CCT7: variants seen among roughly 807,000 people sequenced by gnomAD.
CCT7 encodes chaperonin containing TCP1 subunit 7.
Under a neutral mutation model 56.6 loss-of-function variants are expected in CCT7, and 16 were observed. The ratio of observed to expected loss-of-function variants is 0.28; its 90% confidence interval spans 0.19 to 0.43. CCT7 has a LOEUF of 0.43. Ranked by LOEUF, CCT7 falls within the 20% of genes least tolerant of loss-of-function variation. CCT7 has a pLI of 1.00. For synonymous variants in CCT7, 262 were observed against 254.8 expected (o/e 1.03, Z -0.27); for missense variants, 519 against 685.6 (o/e 0.76, Z 2.71).
chr2:73,251,172 T>G, intron 10 of CCT7, 54 bp from the exon 11 acceptor site: 1 of 1,548,820 alleles, frequency 6.5e-7, no homozygotes. Context: ...TGGCCCAGCA[T>G]GGAAGCTTGG....
chr2:73,248,323 ACCT>A (rs1687431899), intron 7 of CCT7, among the ~76,000 whole-genome samples: 1 of 150,252 alleles, frequency 6.7e-6, no homozygotes, highest in South Asian at 2.1e-4. Context: ...CATGTCACCC[ACCT>A]TTGAGCAGTT....
chr2:73,235,863 G>C (rs1027772170), intron 1 of CCT7, among the ~76,000 whole-genome samples: 1 of 152,176 alleles, frequency 6.6e-6, no homozygotes, highest in African/African-American at 2.4e-5. Flanking sequence ...CACACAGCTA[G>C]GGATCAGAAC....
intron 1 of CCT7, among the ~76,000 whole-genome samples, chr2:73,235,952 C>T (rs972029834): frequency 6.6e-6 from 1 of 152,242 alleles, no homozygotes; most frequent in African/African-American, 2.4e-5. Flanking sequence ...CTGACCCCTC[C>T]TCTGTCAGAT....
intron 6 of CCT7, among the ~76,000 whole-genome samples, chr2:73,246,251 A>G (rs894516559): frequency 6.6e-6 from 1 of 152,180 alleles, no homozygotes; most frequent in Admixed American, 6.5e-5. Context: ...CTTGTGTCTA[A>G]CTGCTGTTAA....
intron 10 of CCT7, among the ~76,000 whole-genome samples, 179 bp downstream of exon 10, chr2:73,250,617 T>C (rs1346174231): frequency 6.6e-6 from 1 of 151,970 alleles, no homozygotes; most frequent in African/African-American, 2.4e-5. Context: ...TTCTCAAAAA[T>C]AGGTCATCCT....
At chr2:73,242,928 C>T (rs1006393923) in intron 3 of CCT7, 76 bp from the exon 4 acceptor site, 20 of 1,552,484 alleles carry the variant, frequency 1.3e-5, no homozygotes, top group South Asian at 6.7e-5. Flanking sequence ...AAATGGGTAG[C>T]GTGCCTAAAA....
At chr2:73,243,515 C>T (rs1013183831) in intron 4 of CCT7, among the ~76,000 whole-genome samples, 1 of 152,078 alleles carries the variant, frequency 6.6e-6, no homozygotes, top group Admixed American at 6.6e-5. Flanking sequence ...CTAGGCCTTA[C>T]TTTCTTTGCT....
At chr2:73,241,598 T>G (rs961882535) in intron 3 of CCT7, among the ~76,000 whole-genome samples, 14 of 152,110 alleles carry the variant, frequency 9.2e-5, no homozygotes, top group Admixed American at 9.2e-4. Context: ...CGAAATAAAT[T>G]TCTTCCAGTT....
chr2:73,251,552 A>C (rs1197930102), intron 11 of CCT7, 120 bp downstream of exon 11: 2 of 831,780 alleles, frequency 2.4e-6, no homozygotes, highest in Non-Finnish European at 3.9e-6. Flanking sequence ...AACTCCCCCC[A>C]GCCTGTCTGC....
At position 73,234,324 on chromosome 2, in the gene CCT7, C is replaced by T; in HGVS notation, c.-55C>T. 5.0e-6 allele frequency: 8 copies of T among 1,611,174 alleles called. No individual in the cohort carries two copies. Among genetic ancestry groups the T allele is most frequent in the East Asian group, 2.2e-5 (1 of 44,882 alleles). On this transcript the variant is annotated 5_prime_UTR_variant, in exon 1 of 12. Transcript: ENST00000258091. ...GCGCGAGGCATTGTGGGTTGCTGGG[C>T]GGCCCGGTCTCGGAGAAGAGGGGAG...
chr2:73,248,227 T>C (rs1473169428), intron 7 of CCT7, among the ~76,000 whole-genome samples: 1 of 152,064 alleles, frequency 6.6e-6, no homozygotes. Flanking sequence ...CAAGTGTGAG[T>C]TCCTCCACTT....
chr2:73,234,365 A>G lies in CCT7; in HGVS notation c.-14A>G, dbSNP rs550584392. The G allele has an allele frequency of 1.9e-6, 3 of 1,613,294 alleles. No homozygotes were observed. Among genetic ancestry groups the G allele is most frequent in the South Asian group, 2.2e-5 (2 of 91,074 alleles). ...AAGAGGGGAGAGTGGCGGGCCGCTG[A>G]ATAAGCTTCCAAAATGATGGTGAGT... On this transcript the variant is annotated 5_prime_UTR_variant, in exon 1 of 12. Transcript: ENST00000258091.
chr2:73,249,724 G>C, intron 8 of CCT7, 95 bp from the exon 9 acceptor site: 1 of 813,072 alleles, frequency 1.2e-6, no homozygotes, highest in Non-Finnish European at 2.2e-6. Flanking sequence ...GAGGCTCTGG[G>C]GGCATGCGTG....
At chr2:73,252,465 T>C (rs1305713065) in intron 11 of CCT7, among the ~76,000 whole-genome samples, 175 bp from the exon 12 acceptor site, 1 of 150,128 alleles carries the variant, frequency 6.7e-6, no homozygotes. Context: ...TTGGCGGGAG[T>C]AGGGGTGTTT....
At chr2:73,235,498 G>A (rs1686839735) in intron 1 of CCT7, 17 of 988,708 alleles carry the variant, frequency 1.7e-5, no homozygotes, top group Non-Finnish European at 2.1e-5. Flanking sequence ...TGTACCCAAG[G>A]TAGAAGGAAA....
intron 7 of CCT7, 48 bp from the exon 8 acceptor site, chr2:73,248,943 G>T (rs768765495): frequency 8.5e-6 from 13 of 1,522,280 alleles, no homozygotes; most frequent in Non-Finnish European, 1.2e-5. Context: ...TACCGTATAT[G>T]TCAACCTTCA....
Position 73,252,645 on chromosome 2 carries a change from T to A in CCT7, c.1416T>A (p.Gly472=). 1 of 1,612,734 alleles carries A rather than the reference T, an allele frequency of 6.2e-7. No individual in the cohort carries two copies. The highest frequency in any genetic ancestry group is 8.5e-7 in the Non-Finnish European group (1 of 1,178,912). The part of the protein sequence containing the change: ...NKLRARHAQG[G]TWYGVDINNE... Reference sequence around the variant, plus strand: ...TTCTTTTCCTACTCTTTTAGGGGGGTACATGGTATGGAGTAGACATCAACA... The same window carrying A: ...TTCTTTTCCTACTCTTTTAGGGGGGAACATGGTATGGAGTAGACATCAACA... Residue 472 remains glycine, a synonymous_variant, in exon 12 of 12, where the codon GGT becomes GGA. Coordinates refer to ENST00000258091, the MANE Select transcript of CCT7 (RefSeq NM_006429.4).
At chr2:73,243,256 TC>T (rs1337874792) in intron 4 of CCT7, 127 bp downstream of exon 4, 2 of 943,048 alleles carry the variant, frequency 2.1e-6, no homozygotes, top group Non-Finnish European at 3.2e-6. Context: ...TTCTGACATC[TC>T]CTTAGTAATC....
chr2:73,252,516 C>A, intron 11 of CCT7, 124 bp from the exon 12 acceptor site: 1 of 721,756 alleles, frequency 1.4e-6, no homozygotes, highest in Non-Finnish European at 2.4e-6. Context: ...CAGTATTCTT[C>A]AGCGAAATGC....
Sources: gnomAD v4.1 joint callset for allele counts (sites outside exome capture counted in the v4.1 genomes callset) on GRCh38, gnomAD v4.1.1 for gene constraint, MANE v1.5 for transcripts, NCBI Gene and HGNC (gene_info 2026-07-23, HGNC 2026-07-21) for gene names.